Variants in AXDND1 observed in about 807,000 individuals in gnomAD.
The protein encoded by AXDND1 is axonemal dynein light chain domain containing 1.
AXDND1 carries 110 observed loss-of-function variants against 137.5 expected under a neutral mutation model. That is an observed-to-expected ratio of 0.80 (90% CI 0.69 to 0.94). The LOEUF (loss-of-function observed/expected upper bound fraction) is 0.94, where lower values mean the gene tolerates loss of function less well. Ranked by LOEUF, AXDND1 falls within the 40% of genes least tolerant of loss-of-function variation. The probability of loss-of-function intolerance (pLI) is 0.00; values close to 1 mark genes in which losing one functional copy is unlikely to be tolerated. For synonymous variants in AXDND1, 414 were observed against 399.7 expected (o/e 1.04, Z -0.43); for missense variants, 1,191 against 1,169.8 (o/e 1.02, Z -0.26).
chr1:179,391,072 T>G (rs6693458), intron 9 of AXDND1, among the ~76,000 whole-genome samples: 15 of 151,260 alleles, frequency 9.9e-5, no homozygotes, highest in Non-Finnish European at 2.1e-4. Flanking sequence ...CCCCAAAGTG[T>G]TGGGATTACA....
intron 11 of AXDND1, among the ~76,000 whole-genome samples, chr1:179,409,883 T>TA (rs202212430): frequency 1.3e-5 from 2 of 152,126 alleles, no homozygotes; most frequent in Non-Finnish European, 2.9e-5. Context: ...GTTTTTTTTT[T>TA]AAATCATAGA....
chr1:179,552,559 G>A, intron 25 of AXDND1: 2 of 1,479,654 alleles, frequency 1.4e-6, no homozygotes, highest in Non-Finnish European at 1.9e-6. Flanking sequence ...TCCACGAGCA[G>A]GCCTTCCTAA....
In AXDND1 at chr1:179,468,524, C is replaced by G; in HGVS notation, c.1880C>G (p.Thr627Arg). The change falls in exon 17 of 26, where the codon ACG becomes AGG. Residue 627 changes from threonine to arginine, a missense_variant. Transcript: ENST00000367618. ...FKLENLEFPD[T>R]PLEEWQEIDE... ...TTGGAAAACCTGGAGTTTCCTGATACGCCTCTTGAAGAATGGCAGGAAATA... is the reference window on the plus strand; with the variant it reads ...TTGGAAAACCTGGAGTTTCCTGATAGGCCTCTTGAAGAATGGCAGGAAATA... The G allele has an allele frequency of 6.2e-7, 1 of 1,612,562 alleles. No individual in the cohort carries two copies. Among genetic ancestry groups the G allele is most frequent in the Non-Finnish European group, 8.5e-7 (1 of 1,179,182 alleles).
rs374001746 is a variant in AXDND1 at position 179,468,443 on chromosome 1, G to C, written c.1799G>C (p.Gly600Ala). 7 of 1,596,730 alleles carry C rather than the reference G, an allele frequency of 4.4e-6. No homozygotes were observed. Among genetic ancestry groups the C allele is most frequent in the Non-Finnish European group, 6.0e-6 (7 of 1,170,582 alleles). ...GTTAATGCTTTTCTTACTTTTCTAG[G>C]TTACTCCAAAATTCTTCCAAGTTTG... ...EYEIRINGDNGYSKILPSLIS... is the reference protein window; with the variant it reads ...EYEIRINGDNAYSKILPSLIS... Residue 600 changes from glycine to alanine, a missense_variant and splice_region_variant, in exon 17 of 26, where the codon GGT (glycine) becomes GCT (alanine). Transcript: ENST00000367618.
chr1:179,523,347 A>G (rs1465431332), intron 21 of AXDND1, among the ~76,000 whole-genome samples: 2 of 151,984 alleles, frequency 1.3e-5, no homozygotes, highest in Non-Finnish European at 2.9e-5. Context: ...AAGTATGTGT[A>G]CAATGTGGAG....
chr1:179,467,153 A>G (rs12131475), intron 16 of AXDND1, among the ~76,000 whole-genome samples: 35,048 of 151,998 alleles, frequency 0.23, 4,367 homozygotes, highest in East Asian at 0.35. Flanking sequence ...ATTCATTAAA[A>G]CATTTTTGCT....
intron 18 of AXDND1, among the ~76,000 whole-genome samples, chr1:179,490,525 G>A (rs1208640742): frequency 6.6e-6 from 1 of 152,206 alleles, no homozygotes; most frequent in Admixed American, 6.5e-5. Flanking sequence ...AGTTTATTAA[G>A]TAGGTAGGTT....
chr1:179,456,662 A>G, intron 16 of AXDND1: 2 of 835,246 alleles, frequency 2.4e-6, no homozygotes, highest in East Asian at 2.4e-5. Flanking sequence ...CACCAAAGCC[A>G]TCATGACCAC....
chr1:179,517,475 G>A (rs1202772194), intron 21 of AXDND1, among the ~76,000 whole-genome samples: 3 of 152,176 alleles, frequency 2.0e-5, no homozygotes, highest in Non-Finnish European at 4.4e-5. Flanking sequence ...GAGGCACCTC[G>A]CCCGATTCAA....
intron 25 of AXDND1, among the ~76,000 whole-genome samples, chr1:179,535,573 A>G (rs1246851068): frequency 6.6e-6 from 1 of 152,152 alleles, no homozygotes; most frequent in African/African-American, 2.4e-5. Context: ...TTATGGCTGC[A>G]TAGTATTCCA....
chr1:179,508,938 G>A (rs1369941396), intron 20 of AXDND1, among the ~76,000 whole-genome samples: 1 of 152,134 alleles, frequency 6.6e-6, no homozygotes, highest in Non-Finnish European at 1.5e-5. Context: ...GTACAAGGTA[G>A]GTGTTTGCTA....
chr1:179,479,182 A>G (rs1665005480), intron 17 of AXDND1, among the ~76,000 whole-genome samples: 1 of 151,920 alleles, frequency 6.6e-6, no homozygotes, highest in South Asian at 2.1e-4. Context: ...GATTCTTAGA[A>G]ATTTCTTCCA....
chr1:179,468,843 G>T (rs1382232805), intron 17 of AXDND1: 2 of 367,772 alleles, frequency 5.4e-6, no homozygotes, highest in Non-Finnish European at 9.6e-6. Context: ...CTATCATTCT[G>T]CAATCCTTCA....
rs771509299 is a variant in AXDND1, at chr1:179,468,498, G to A, written c.1854G>A (p.Lys618=). 5.6e-6 allele frequency: 9 copies of A among 1,613,012 alleles called. No homozygotes were observed. The highest frequency in any genetic ancestry group is 7.6e-6 in the Non-Finnish European group (9 of 1,179,794). The change falls in exon 17 of 26, where the codon AAG becomes AAA. Residue 618 remains lysine, a synonymous_variant. Coordinates refer to ENST00000367618, the MANE Select transcript of AXDND1 (RefSeq NM_144696.6). ...GTTCTCTTGACTTCTGTTCTTTCAA[G>A]TTGGAAAACCTGGAGTTTCCTGATA... ...LISSLDFCSF[K]LENLEFPDTP... is the part of the protein sequence containing the mutation.
At chr1:179,482,179 A>G (rs77406471) in intron 17 of AXDND1, among the ~76,000 whole-genome samples, 4,223 of 134,508 alleles carry the variant, frequency 0.031, 235 homozygotes, top group African/African-American at 0.11. Context: ...AGCTGGGGGT[A>G]GAGACAATGG....
chr1:179,535,445 C>T (rs1033690886), intron 25 of AXDND1, among the ~76,000 whole-genome samples: 14 of 152,214 alleles, frequency 9.2e-5, no homozygotes, highest in Non-Finnish European at 2.1e-4. Context: ...CATTGTTCAA[C>T]TCCCACTTAT....
At chr1:179,544,659 G>A (rs1336774553) in intron 25 of AXDND1, 2 of 111,358 alleles carry the variant, frequency 1.8e-5, no homozygotes, top group South Asian at 3.0e-4. Flanking sequence ...GGGCAACAGA[G>A]CAAGACTCCA....
chr1:179,374,920 A>G (rs911844613), intron 4 of AXDND1, among the ~76,000 whole-genome samples: 1 of 152,058 alleles, frequency 6.6e-6, no homozygotes, highest in Non-Finnish European at 1.5e-5. Flanking sequence ...TGGCACATGT[A>G]TATGTATGTA....
chr1:179,481,663 T>G (rs1365125182), intron 17 of AXDND1, among the ~76,000 whole-genome samples: 1 of 152,252 alleles, frequency 6.6e-6, no homozygotes, highest in East Asian at 1.9e-4. Context: ...GCTGACTTTT[T>G]AATGATCGCC....
Sources: allele counts gnomAD v4.1 joint callset (sites outside exome capture counted in the v4.1 genomes callset), GRCh38; gene constraint gnomAD v4.1.1; transcripts MANE v1.5; gene names NCBI Gene and HGNC (gene_info 2026-07-23, HGNC 2026-07-21).